The following VWA8 variants were observed in gnomAD, a reference collection of about 807,000 sequenced individuals.
VWA8 encodes the protein von Willebrand factor A domain containing 8.
Under a neutral mutation model 241.5 loss-of-function variants are expected in VWA8, and 221 were observed. That is an observed-to-expected ratio of 0.91 (90% CI 0.82 to 1.02). The LOEUF (loss-of-function observed/expected upper bound fraction) is 1.02, where lower values mean the gene tolerates loss of function less well. Ranked by LOEUF, VWA8 falls within the 50% of genes least tolerant of loss-of-function variation. VWA8 has a pLI of 0.00. For synonymous variants in VWA8, 852 were observed against 827.1 expected (o/e 1.03, Z -0.52); for missense variants, 2,322 against 2,328.7 (o/e 1.00, Z 0.06).
chr13:41,642,575 A>G (rs1188224495), intron 37 of VWA8, among the ~76,000 whole-genome samples: 5 of 151,398 alleles, frequency 3.3e-5, no homozygotes, highest in Non-Finnish European at 4.4e-5. Flanking sequence ...AAAAAAAAAA[A>G]AAAGAAAAAA....
At chr13:41,864,156 A>AAG in intron 12 of VWA8, among the ~76,000 whole-genome samples, 1 of 151,398 alleles carries the variant, frequency 6.6e-6, no homozygotes, top group Non-Finnish European at 1.5e-5. Flanking sequence ...AAAAAAAAAA[A>AAG]AAAGAAAGAA....
At chr13:41,894,474 C>T (rs1373819851) in intron 4 of VWA8, among the ~76,000 whole-genome samples, 1 of 152,158 alleles carries the variant, frequency 6.6e-6, no homozygotes, top group East Asian at 1.9e-4. Flanking sequence ...CAAATGCATG[C>T]AGGTATATGT....
chr13:41,579,255 T>A (rs1566374752), intron 42 of VWA8, among the ~76,000 whole-genome samples: 1 of 152,212 alleles, frequency 6.6e-6, no homozygotes, highest in Non-Finnish European at 1.5e-5. Context: ...AAATACACCA[T>A]TCTCATTCTC....
At chr13:41,900,689 G>A (rs1391773796) in intron 4 of VWA8, among the ~76,000 whole-genome samples, 9 of 151,732 alleles carry the variant, frequency 5.9e-5, no homozygotes, top group African/African-American at 1.4e-4. Flanking sequence ...AAGCAGTACT[G>A]CAAAAAAAAA....
At chr13:41,823,934 C>A (rs898768229) in intron 14 of VWA8, among the ~76,000 whole-genome samples, 4 of 152,154 alleles carry the variant, frequency 2.6e-5, no homozygotes, top group African/African-American at 9.7e-5. Flanking sequence ...AATTATGAGA[C>A]CCTCAGTTAA....
chr13:41,921,394 C>G (rs1307880218), intron 2 of VWA8, among the ~76,000 whole-genome samples: 1 of 152,226 alleles, frequency 6.6e-6, no homozygotes, highest in Non-Finnish European at 1.5e-5. Context: ...GGGATGCCCT[C>G]TCTCACCACT....
intron 12 of VWA8, among the ~76,000 whole-genome samples, chr13:41,863,040 T>C (rs1185696321): frequency 6.6e-6 from 1 of 152,084 alleles, no homozygotes; most frequent in Non-Finnish European, 1.5e-5. Context: ...TGATCCTGGG[T>C]GTGTCTGTGG....
At position 41,670,983 on chromosome 13, in the gene VWA8, C is replaced by T; in HGVS notation, c.4574G>A (p.Trp1525Ter). 2 of 1,613,850 alleles carry T rather than the reference C, an allele frequency of 1.2e-6. No individual in the cohort carries two copies. Among genetic ancestry groups the T allele is most frequent in the Non-Finnish European group, 1.7e-6 (2 of 1,179,854 alleles). ...GTCATCTTGTCCAATCATGTTTCTCCATTCCATGAGTGATCGCTGCAGACG... is the reference window on the plus strand; with the variant it reads ...GTCATCTTGTCCAATCATGTTTCTCTATTCCATGAGTGATCGCTGCAGACG... ...LERLQRSLME[W>*]RNMIGQDDRN... The change falls in exon 37 of 45, where the codon TGG becomes TAG. Residue 1525 changes from tryptophan (W) to a stop codon, truncating the protein, a stop_gained. Coordinates refer to ENST00000379310, the MANE Select transcript of VWA8 (RefSeq NM_015058.2). LOFTEE classifies it high-confidence loss of function.
intron 26 of VWA8, among the ~76,000 whole-genome samples, chr13:41,711,082 A>G (rs780344679): frequency 1.3e-5 from 2 of 152,244 alleles, no homozygotes; most frequent in African/African-American, 2.4e-5. Context: ...CAATCCTGTA[A>G]CACACACTGC....
intron 4 of VWA8, among the ~76,000 whole-genome samples, chr13:41,900,526 C>A (rs1476050177): frequency 6.6e-6 from 1 of 152,052 alleles, no homozygotes; most frequent in African/African-American, 2.4e-5. Context: ...GGTGTGTGAC[C>A]TAAAATCAAA....
At chr13:41,620,140 T>G (rs1373940550) in intron 37 of VWA8, among the ~76,000 whole-genome samples, 1 of 152,182 alleles carries the variant, frequency 6.6e-6, no homozygotes, top group Non-Finnish European at 1.5e-5. Context: ...ATTTCCTCAA[T>G]TTCAGGGCCT....
intron 26 of VWA8, among the ~76,000 whole-genome samples, chr13:41,708,450 T>A (rs991642444): frequency 6.6e-6 from 1 of 152,206 alleles, no homozygotes; most frequent in Non-Finnish European, 1.5e-5. Flanking sequence ...TTGAAATTAG[T>A]AACAATGGAT....
Position 41,571,272 on chromosome 13 carries a change from G to GTCCCTCTCCCGTC in VWA8, c.5371-579_5371-567dup, listed in dbSNP as rs761878023. Among the ~76,000 whole-genome samples, 256 of 127,532 alleles carry GTCCCTCTCCCGTC rather than the reference G, an allele frequency of 2.0e-3. 1 individual carries two copies. The highest frequency in any genetic ancestry group is 7.1e-3 in the South Asian group (27 of 3,800). The allele number at this position is 127,532 out of a possible 152,430, so 83.7% of individuals were successfully genotyped here. A position where few individuals can be genotyped will look rare whatever the true frequency, so the allele number is the denominator to read the frequency against. On this transcript the variant is annotated intron_variant, in intron 43 of 44. Transcript: ENST00000379310. ...TATGATTGTATATCTAGAAAACCCT[G>GTCCCTCTCCCGTC]TCCCTCTCCCGTCTCCCTCTCCCGT...
intron 12 of VWA8, among the ~76,000 whole-genome samples, chr13:41,861,548 C>G (rs1873007009): frequency 6.6e-6 from 1 of 152,100 alleles, no homozygotes. Flanking sequence ...CTAAAAAACC[C>G]TATAGACTCC....
At chr13:41,883,565 TGACATTA>T (rs1487033761) in intron 8 of VWA8, 74 bp from the exon 9 acceptor site, 3 of 1,151,624 alleles carry the variant, frequency 2.6e-6, no homozygotes, top group Non-Finnish European at 3.8e-6. Flanking sequence ...AATGTACATA[TGACATTA>T]AAATTGACTT....
At chr13:41,761,066 A>C in intron 21 of VWA8, 62 bp downstream of exon 21, 1 of 1,531,470 alleles carries the variant, frequency 6.5e-7, no homozygotes, top group South Asian at 1.2e-5. Context: ...TTTAAATTGT[A>C]CCAGGAGGGA....
intron 10 of VWA8, among the ~76,000 whole-genome samples, chr13:41,866,763 G>A (rs560860245): frequency 6.6e-6 from 1 of 152,084 alleles, no homozygotes; most frequent in Non-Finnish European, 1.5e-5. Context: ...TTAGTCCACT[G>A]GAATCTCTAA....
chr13:41,936,279 T>C (rs1877345044), intron 2 of VWA8, among the ~76,000 whole-genome samples: 1 of 152,196 alleles, frequency 6.6e-6, no homozygotes, highest in Non-Finnish European at 1.5e-5. Flanking sequence ...TCTCTAGCTA[T>C]TAAGCAGGGT....
At chr13:41,592,262 A>G (rs1414860028) in intron 40 of VWA8, among the ~76,000 whole-genome samples, 1 of 135,680 alleles carries the variant, frequency 7.4e-6, no homozygotes, top group Non-Finnish European at 1.6e-5. Context: ...TGGGAATTGA[A>G]CAATGAGATC....
Sources: allele counts gnomAD v4.1 joint callset (sites outside exome capture counted in the v4.1 genomes callset), GRCh38; gene constraint gnomAD v4.1.1; transcripts MANE v1.5; gene names NCBI Gene and HGNC (gene_info 2026-07-23, HGNC 2026-07-21).